GSK3B: variants seen among roughly 807,000 people sequenced by gnomAD.
GSK3B encodes glycogen synthase kinase-3 beta.
GSK3B carries 15 observed loss-of-function variants against 56.4 expected under a neutral mutation model. The observed-to-expected ratio is 0.27, with a 90% CI of 0.18 to 0.41. The LOEUF (loss-of-function observed/expected upper bound fraction) is 0.41. GSK3B is among the 10% of genes least tolerant of loss of function. The pLI, the probability that GSK3B is intolerant of heterozygous loss-of-function variation, is 1.00. For missense variants in GSK3B, 300 were observed against 513.4 expected (o/e 0.58, Z 4.02); for synonymous variants, 181 against 188.9 (o/e 0.96, Z 0.34).
intron 7 of GSK3B, among the ~76,000 whole-genome samples, chr3:119,899,156 C>G (rs940547871): frequency 3.9e-5 from 6 of 152,044 alleles, no homozygotes; most frequent in African/African-American, 1.4e-4. Flanking sequence ...GTAGTGTATA[C>G]AGCATGGATA....
chr3:119,849,262 G>GT (rs1457351132), intron 9 of GSK3B, among the ~76,000 whole-genome samples: 2 of 152,186 alleles, frequency 1.3e-5, no homozygotes, highest in Non-Finnish European at 2.9e-5. Context: ...CATGAAATGT[G>GT]TAAGGTCCCA....
intron 1 of GSK3B, among the ~76,000 whole-genome samples, chr3:120,061,313 T>G (rs555407134): frequency 6.6e-6 from 1 of 152,378 alleles, no homozygotes; most frequent in South Asian, 2.1e-4. Context: ...TAGCAAAATC[T>G]ATTTGAATAA....
intron 9 of GSK3B, among the ~76,000 whole-genome samples, chr3:119,846,244 G>T (rs865869872): frequency 1.3e-5 from 2 of 152,272 alleles, no homozygotes; most frequent in Middle Eastern, 6.8e-3. Flanking sequence ...CATGGGCAAA[G>T]AATTCATGAC....
chr3:120,077,133 A>C (rs2107571412), intron 1 of GSK3B, among the ~76,000 whole-genome samples: 1 of 152,350 alleles, frequency 6.6e-6, no homozygotes, highest in South Asian at 2.1e-4. Context: ...GAAACTAAAA[A>C]TAGAACTATC....
chr3:119,970,741 C>T (rs6762640), intron 2 of GSK3B, among the ~76,000 whole-genome samples: 17,017 of 151,570 alleles, frequency 0.11, 1,119 homozygotes, highest in African/African-American at 0.19. Context: ...GAGCTGAGAT[C>T]GCGCCACTGC....
At chr3:119,945,935 C>G (rs918217448) in intron 3 of GSK3B, among the ~76,000 whole-genome samples, 6 of 151,672 alleles carry the variant, frequency 4.0e-5, no homozygotes, top group Non-Finnish European at 7.4e-5. Context: ...AGAGGCTGTA[C>G]AATTTTACTT....
chr3:119,989,125 C>A (rs1296465112), intron 2 of GSK3B, among the ~76,000 whole-genome samples: 1 of 152,168 alleles, frequency 6.6e-6, no homozygotes, highest in East Asian at 1.9e-4. Flanking sequence ...GCTCCCCGAC[C>A]ATCACAGAAG....
chr3:119,998,297 T>C (rs537428947), intron 2 of GSK3B, among the ~76,000 whole-genome samples: 2 of 152,324 alleles, frequency 1.3e-5, no homozygotes, highest in South Asian at 4.1e-4. Context: ...TCCCTTGCCA[T>C]GTAGGAAGCT....
At chr3:120,034,898 T>G (rs1201851194) in intron 1 of GSK3B, among the ~76,000 whole-genome samples, 1 of 152,038 alleles carries the variant, frequency 6.6e-6, no homozygotes, top group Non-Finnish European at 1.5e-5. Context: ...CAGGAGCTCA[T>G]GACCACAACA....
chr3:119,968,444 C>T (rs1361883808), intron 2 of GSK3B, among the ~76,000 whole-genome samples: 3 of 152,204 alleles, frequency 2.0e-5, no homozygotes, highest in Non-Finnish European at 4.4e-5. Context: ...TATAAAAATA[C>T]TTATACATCA....
At chr3:120,065,366 G>T (rs1051558790) in intron 1 of GSK3B, among the ~76,000 whole-genome samples, 1 of 152,010 alleles carries the variant, frequency 6.6e-6, no homozygotes, top group Non-Finnish European at 1.5e-5. Context: ...CACCTAAAAA[G>T]ATGCTCTACA....
intron 8 of GSK3B, among the ~76,000 whole-genome samples, chr3:119,875,544 C>T (rs1463598057): frequency 1.3e-4 from 16 of 123,876 alleles, no homozygotes; most frequent in Non-Finnish European, 1.7e-4. Flanking sequence ...CACACACACA[C>T]ACAGAAGTTT....
chr3:119,893,797 G>C (rs2056530521), intron 7 of GSK3B, among the ~76,000 whole-genome samples: 1 of 151,670 alleles, frequency 6.6e-6, no homozygotes, highest in South Asian at 2.1e-4. Context: ...CTATAGTCAG[G>C]GTTTATTGCC....
At chr3:119,894,500 T>C (rs998611702) in intron 7 of GSK3B, among the ~76,000 whole-genome samples, 35 of 152,168 alleles carry the variant, frequency 2.3e-4, no homozygotes, top group African/African-American at 8.2e-4. Context: ...ATTTCCTTGA[T>C]GAATAATGAT....
At chr3:120,013,678 A>G (rs753345181) in intron 1 of GSK3B, among the ~76,000 whole-genome samples, 19 of 152,194 alleles carry the variant, frequency 1.2e-4, no homozygotes, top group Non-Finnish European at 4.4e-5. Context: ...TCTGTCTAAC[A>G]ATAGTATTAG....
rs901414460 is a variant in GSK3B, at chr3:119,986,097, T to C, written c.282+15949A>G. Among the ~76,000 whole-genome samples the C allele has an allele frequency of 5.3e-4, 80 of 152,320 alleles. 1 individual carries two copies. The highest frequency in any genetic ancestry group is 1.7e-3 in the African/African-American group (72 of 41,566). The stretch of plus-strand genomic sequence containing the variant: ...CAAGAAATGGGGAAAGGATTCCCTA[T>C]TTAATAAATGGTGCTGGGAAAACTA... On this transcript the variant is annotated intron_variant, in intron 2 of 10. Coordinates refer to ENST00000264235, the MANE Select transcript of GSK3B (RefSeq NM_001146156.2).
intron 2 of GSK3B, among the ~76,000 whole-genome samples, chr3:119,965,366 T>A (rs2057309940): frequency 6.8e-6 from 1 of 146,156 alleles, no homozygotes. Context: ...GCCCAGCCAT[T>A]TTTTTTTTTT....
chr3:119,968,987 T>C (rs989818373), intron 2 of GSK3B, among the ~76,000 whole-genome samples: 1 of 152,052 alleles, frequency 6.6e-6, no homozygotes, highest in African/African-American at 2.4e-5. Context: ...TCTAACAAAA[T>C]ATGTACAAGA....
chr3:119,852,492 C>T (rs1434777952), intron 9 of GSK3B, among the ~76,000 whole-genome samples: 3 of 151,952 alleles, frequency 2.0e-5, no homozygotes, highest in Non-Finnish European at 4.4e-5. Flanking sequence ...GGATTACAGG[C>T]ACCCACCACC....
Sources: gnomAD v4.1 joint callset for allele counts (sites outside exome capture counted in the v4.1 genomes callset) on GRCh38, gnomAD v4.1.1 for gene constraint, MANE v1.5 for transcripts, NCBI Gene and HGNC (gene_info 2026-07-23, HGNC 2026-07-21) for gene names.